The following TNPO1 variants were observed in gnomAD, a reference collection of about 807,000 sequenced individuals.
The protein encoded by TNPO1 is transportin 1.
Under a neutral mutation model 119.5 loss-of-function variants are expected in TNPO1, and 8 were observed. The ratio of observed to expected loss-of-function variants is 0.07; its 90% CI spans 0.04 to 0.12. TNPO1 has a LOEUF of 0.12. Among genes scored for constraint, TNPO1 ranks in the 10% least tolerant of loss-of-function variants. The pLI is 1.00. For synonymous variants in TNPO1, 362 were observed against 363.0 expected (o/e 1.00, Z 0.03); for missense variants, 576 against 1,089.8 (o/e 0.53, Z 6.64).
At chr5:72,866,321 TATA>T (rs1389851503) in intron 6 of TNPO1, among the ~76,000 whole-genome samples, 11 of 152,246 alleles carry the variant, frequency 7.2e-5, no homozygotes, top group Non-Finnish European at 1.6e-4. Context: ...ATTACAACAT[TATA>T]ATAATGTTGT....
intron 6 of TNPO1, 140 bp downstream of exon 6, chr5:72,865,869 A>G (rs1235477174): frequency 9.9e-6 from 9 of 905,764 alleles, no homozygotes; most frequent in Non-Finnish European, 1.1e-5. Flanking sequence ...TATGTAATTG[A>G]AATTGACTAC....
intron 20 of TNPO1, 45 bp downstream of exon 20, chr5:72,897,196 CT>C: frequency 6.9e-7 from 1 of 1,444,104 alleles, no homozygotes; most frequent in Non-Finnish European, 9.5e-7. Context: ...AATTTGTTGC[CT>C]TTTAATTTTA....
chr5:72,894,838 A>G lies in TNPO1; in HGVS notation c.2143+1135A>G, dbSNP rs181220607. ...CATCAAGTTTAAACCTAACAGTGTAATGAATTCTTATGGGAAGCTTATCAT... is the reference window on the plus strand; with the variant it reads ...CATCAAGTTTAAACCTAACAGTGTAGTGAATTCTTATGGGAAGCTTATCAT... On this transcript the variant is annotated intron_variant, in intron 18 of 24. Transcript: ENST00000337273. Among the ~76,000 whole-genome samples the G allele has an allele frequency of 3.9e-5, 6 of 152,322 alleles. No individual in the cohort carries two copies. In the East Asian group the frequency reaches 1.2e-3, roughly 29 times the overall value.
intron 6 of TNPO1, chr5:72,871,851 TA>T (rs2112364447): frequency 6.6e-6 from 1 of 152,332 alleles, no homozygotes; most frequent in African/African-American, 2.4e-5. Flanking sequence ...GTCAGCAAAC[TA>T]TGTCCCATGG....
intron 6 of TNPO1, among the ~76,000 whole-genome samples, chr5:72,868,467 T>C (rs42439): frequency 0.82 from 104,141 of 127,714 alleles, 42,879 homozygotes; most frequent in Non-Finnish European, 0.85. Flanking sequence ...AAACACAAAA[T>C]AATATATCAG....
At chr5:72,858,050 A>T (rs757437200) in intron 4 of TNPO1, among the ~76,000 whole-genome samples, 3 of 152,250 alleles carry the variant, frequency 2.0e-5, no homozygotes, top group Non-Finnish European at 1.5e-5. Context: ...TGTTAAGTAG[A>T]TACTTAAGTA....
intron 1 of TNPO1, among the ~76,000 whole-genome samples, chr5:72,832,424 G>C (rs1362377980): frequency 6.6e-6 from 1 of 152,058 alleles, no homozygotes; most frequent in Non-Finnish European, 1.5e-5. Context: ...TCCCAGAAAA[G>C]TTACTAATAT....
At chr5:72,871,148 T>C (rs1007259831) in intron 6 of TNPO1, among the ~76,000 whole-genome samples, 17 of 152,162 alleles carry the variant, frequency 1.1e-4, no homozygotes, top group African/African-American at 4.1e-4. Context: ...GGCTAATTTT[T>C]GTATTTTTAG....
rs372486964 is a variant in TNPO1 at position 72,823,217 on chromosome 5, A to G, written c.15+6465A>G. On this transcript the variant is annotated intron_variant, in intron 1 of 24. Coordinates refer to ENST00000337273, the MANE Select transcript of TNPO1 (RefSeq NM_002270.4). Reference sequence around the variant, plus strand: ...AAAGATATCTGTCATGAGTCTTCTTACTTCTTTCAGACTATGCTTCCTCCT... The same window carrying G: ...AAAGATATCTGTCATGAGTCTTCTTGCTTCTTTCAGACTATGCTTCCTCCT... 4.6e-5 allele frequency among the ~76,000 whole-genome samples: 7 copies of G among 152,016 alleles called. No homozygotes were observed. The East Asian group carries it at 1.2e-3, about 25-fold the overall frequency.
chr5:72,895,038 A>T (rs537957888), intron 18 of TNPO1, among the ~76,000 whole-genome samples: 5 of 152,368 alleles, frequency 3.3e-5, no homozygotes, highest in African/African-American at 1.2e-4. Context: ...GTGGTGAGAC[A>T]CATAGATCTC....
intron 23 of TNPO1, among the ~76,000 whole-genome samples, chr5:72,904,735 T>C (rs965057519): frequency 2.0e-5 from 3 of 152,170 alleles, no homozygotes; most frequent in Admixed American, 1.3e-4. Flanking sequence ...AAGTGGAGGT[T>C]GCAGTGAGCC....
chr5:72,901,357 C>A (rs1379124428), intron 22 of TNPO1, among the ~76,000 whole-genome samples: 1 of 151,920 alleles, frequency 6.6e-6, no homozygotes, highest in Admixed American at 6.6e-5. Context: ...TTTCAGACCT[C>A]ATTTATTTAC....
At chr5:72,864,150 C>CTG (rs1309680766) in intron 5 of TNPO1, among the ~76,000 whole-genome samples, 1 of 151,520 alleles carries the variant, frequency 6.6e-6, no homozygotes, top group African/African-American at 2.4e-5. Context: ...AAAAAAAAAC[C>CTG]TTAACAATTG....
At chr5:72,856,029 T>C in intron 4 of TNPO1, 106 bp downstream of exon 4, 1 of 1,250,168 alleles carries the variant, frequency 8.0e-7, no homozygotes, top group African/African-American at 1.5e-5. Context: ...TGTTAAATTG[T>C]GTTGGGGAAA....
chr5:72,862,055 TATTAC>T, intron 5 of TNPO1, 141 bp downstream of exon 5: 1 of 585,534 alleles, frequency 1.7e-6, no homozygotes, highest in Non-Finnish European at 3.0e-6. Context: ...CTTTGTGTTA[TATTAC>T]ATTTGTAAAT....
At chr5:72,821,389 A>G (rs1743950659) in intron 1 of TNPO1, among the ~76,000 whole-genome samples, 1 of 152,238 alleles carries the variant, frequency 6.6e-6, no homozygotes, top group African/African-American at 2.4e-5. Flanking sequence ...TCAGCAAATC[A>G]TGAATATACT....
chr5:72,894,536 T>C (rs1205419270), intron 18 of TNPO1, among the ~76,000 whole-genome samples: 1 of 152,164 alleles, frequency 6.6e-6, no homozygotes, highest in African/African-American at 2.4e-5. Context: ...CCAGGCGTGG[T>C]GGCTTGTGCC....
At chr5:72,874,021 T>C (rs1295888894) in intron 7 of TNPO1, among the ~76,000 whole-genome samples, 2 of 152,058 alleles carry the variant, frequency 1.3e-5, no homozygotes, top group Non-Finnish European at 2.9e-5. Flanking sequence ...GGAAATATAA[T>C]CTAAAATAAA....
At chr5:72,867,715 A>G (rs1747028108) in intron 6 of TNPO1, among the ~76,000 whole-genome samples, 1 of 152,254 alleles carries the variant, frequency 6.6e-6, no homozygotes, top group African/African-American at 2.4e-5. Flanking sequence ...TTGCATGCAT[A>G]TGCAAAGGGT....
Sources: allele counts gnomAD v4.1 joint callset (sites outside exome capture counted in the v4.1 genomes callset), GRCh38; gene constraint gnomAD v4.1.1; transcripts MANE v1.5; gene names NCBI Gene and HGNC (gene_info 2026-07-23, HGNC 2026-07-21).